Variants in HECTD3 observed in about 807,000 individuals in gnomAD.
The protein encoded by HECTD3 is HECT domain E3 ubiquitin protein ligase 3.
In HECTD3, 72 loss-of-function variants were observed where a neutral mutation model predicts 109.3. That is an observed-to-expected ratio of 0.66 (90% CI 0.54 to 0.80). The LOEUF is 0.80. HECTD3 is among the 30% of genes least tolerant of loss of function. The probability of loss-of-function intolerance (pLI) is 0.00; values close to 1 mark genes in which losing one functional copy is unlikely to be tolerated. For synonymous variants in HECTD3, 481 were observed against 471.8 expected (o/e 1.02, Z -0.25); for missense variants, 1,041 against 1,165.2 (o/e 0.89, Z 1.55).
intron 1 of HECTD3, 88 bp downstream of exon 1, chr1:45,010,801 A>G: frequency 6.6e-7 from 1 of 1,512,470 alleles, no homozygotes. Flanking sequence ...CGCAATGCCA[A>G]CTCAATACAG....
Position 45,003,477 on chromosome 1 carries a change from A to G in HECTD3, c.*15T>C. 1 of 1,612,416 alleles carries G rather than the reference A, an allele frequency of 6.2e-7. No homozygotes were observed. Among genetic ancestry groups the G allele is most frequent in the Non-Finnish European group, 8.5e-7 (1 of 1,178,530 alleles). ...ACACGTGCAGTCTTGCTGGTCCCACAGCCGGCGGCACGCCTCACTCCTCCC... is the reference window on the plus strand; with the variant it reads ...ACACGTGCAGTCTTGCTGGTCCCACGGCCGGCGGCACGCCTCACTCCTCCC... On this transcript the variant is annotated 3_prime_UTR_variant, in exon 21 of 21. Transcript: ENST00000372172. This position sits in a 1 kb window ranked among gnomAD's most constrained non-coding sequence, Gnocchi z 4.7.
chr1:45,006,871 C>A lies in HECTD3; in HGVS notation c.1622-76G>T. 6.3e-7 allele frequency: 1 copy of A among 1,577,924 alleles called. No individual in the cohort carries two copies. Among genetic ancestry groups the A allele is most frequent in the East Asian group, 2.2e-5 (1 of 44,716 alleles). On this transcript the variant is annotated intron_variant, in intron 12 of 20. Transcript: ENST00000372172. This position sits in a 1 kb window ranked among gnomAD's most constrained non-coding sequence, Gnocchi z 4.7. ...ATGGGGTAATGAATAGGTCCCCCAT[C>A]ATCATTAGCTGGTGAAAAGCCTCTA...
Position 45,011,100 on chromosome 1 carries a change from T to G in HECTD3, c.158A>C (p.Lys53Thr). 6.6e-7 allele frequency: 1 copy of G among 1,506,588 alleles called. No homozygotes were observed. The highest frequency in any genetic ancestry group is 1.2e-5 in the South Asian group (1 of 80,444). 93.3% of individuals were successfully genotyped at this position (1,506,588 alleles called of 1,614,324 possible). A position where few individuals can be genotyped will look rare whatever the true frequency, so the allele number is the denominator to read the frequency against. Residue 53 changes from lysine to threonine, a missense_variant, in exon 1 of 21, where the codon AAG (lysine) becomes ACG (threonine). Lys to Thr is a moderately conservative substitution (Grantham distance 78, BLOSUM62 -1). Around this residue, in one of 2 missense-constraint regions of HECTD3, gnomAD observed 472 missense variants for 449.9 expected, o/e 1.05. Coordinates refer to ENST00000372172, the MANE Select transcript of HECTD3 (RefSeq NM_024602.6). The stretch of plus-strand genomic sequence containing the variant: ...CACGCGCGACGGTCCCGCTGGGTCC[T>G]TGTAAAGCTTGTAGAGCACCTCTCG... Reference protein sequence around the residue: ...VPREVLYKLYKDPAGPSRVLL... With the variant: ...VPREVLYKLYTDPAGPSRVLL...
In HECTD3 at chr1:45,007,136, GTGTGTGTGTGTGTGTGTGTGTT is replaced by G; in HGVS notation, c.1556+61_1556+82del. Reference sequence around the variant, plus strand: ...GGGTGCCTCGAGCAGTTGTGTGTGTGTGTGTGTGTGTGTGTGTGTGTTTGTGTGTGTTTGTGTGCACAAACAG... The same window carrying G: ...GGGTGCCTCGAGCAGTTGTGTGTGTGTGTGTGTGTTTGTGTGCACAAACAG... On this transcript the variant is annotated intron_variant, in intron 11 of 20. Transcript: ENST00000372172. The G allele has an allele frequency of 3.6e-6, 3 of 828,286 alleles. No individual in the cohort carries two copies. In the East Asian group the frequency reaches 2.2e-4, roughly 61 times the overall value. The allele number at this position is 828,286 out of a possible 1,614,324, so 51.3% of individuals were successfully genotyped here.
chr1:45,009,583 T>C lies in HECTD3; in HGVS notation c.860A>G (p.Lys287Arg), dbSNP rs1351786392. Residue 287 changes from lysine to arginine, a missense_variant, in exon 5 of 21, where the codon AAG becomes AGG. By Grantham distance (26) the Lys-to-Arg change is conservative. Transcript: ENST00000372172. ...CQHWVRLTMK[K>R]GTIVKKLLLT... ...GCCTACTTACTTGACAATGGTGCCC[T>C]TCTTCATAGTAAGCCGTACCCAGTG... 1 of 1,613,530 alleles carries C rather than the reference T, an allele frequency of 6.2e-7. No homozygotes were observed.
chr1:45,006,860 A>G lies in HECTD3; in HGVS notation c.1622-65T>C, dbSNP rs1644740245. Reference sequence around the variant, plus strand: ...CAGCTCCCATAATGGGGTAATGAATAGGTCCCCCATCATCATTAGCTGGTG... The same window carrying G: ...CAGCTCCCATAATGGGGTAATGAATGGGTCCCCCATCATCATTAGCTGGTG... On this transcript the variant is annotated intron_variant, in intron 12 of 20. Coordinates refer to ENST00000372172, the MANE Select transcript of HECTD3 (RefSeq NM_024602.6). This position sits in a 1 kb window ranked among gnomAD's most constrained non-coding sequence, Gnocchi z 4.7. 6 of 1,575,638 alleles carry G rather than the reference A, an allele frequency of 3.8e-6. No individual in the cohort carries two copies. The Admixed American group carries it at 1.0e-4, about 26-fold the overall frequency.
At position 45,005,862 on chromosome 1, in the gene HECTD3, C is replaced by G; in HGVS notation, c.1867G>C (p.Val623Leu). ...TCCTCACCAGAAAGCTGCTTCCACA[C>G]AAAACCAGGCAGGGCCAGGACCTGT... ...EFLVLALPGF[V>L]WKQLSGEEVS... Residue 623 changes from valine (V) to leucine (L), a missense_variant, in exon 15 of 21, where the codon GTG (valine) becomes CTG (leucine). Transcript: ENST00000372172. 1 of 1,608,898 alleles carries G rather than the reference C, an allele frequency of 6.2e-7. No individual in the cohort carries two copies. Among genetic ancestry groups the G allele is most frequent in the Non-Finnish European group, 8.5e-7 (1 of 1,177,286 alleles).
rs1335669218 is a variant in HECTD3, at chr1:45,011,187, G to A, written c.71C>T (p.Ala24Val). Reference sequence around the variant, plus strand: ...GGCGCGGAGGCTCCGCGCTGCCTCTGCCAAGAAGCGCACGCGGCCCAGCAG... The same window carrying A: ...GGCGCGGAGGCTCCGCGCTGCCTCTACCAAGAAGCGCACGCGGCCCAGCAG... ...RQLLGRVRFL[A>V]EAARSLRAGR... is the part of the protein sequence containing the mutation. Residue 24 changes from alanine (A) to valine (V), a missense_variant, in exon 1 of 21, where the codon GCA (alanine) becomes GTA (valine). By Grantham distance (64) the Ala-to-Val change is moderately conservative. This residue lies in a region of HECTD3 where 472 missense variants were observed against 449.9 expected (regional missense o/e 1.05). Transcript: ENST00000372172. 1.4e-6 allele frequency: 2 copies of A among 1,474,366 alleles called. No homozygotes were observed. Among genetic ancestry groups the A allele is most frequent in the Admixed American group, 2.5e-5 (1 of 40,244 alleles). 91.3% of individuals were successfully genotyped at this position (1,474,366 alleles called of 1,614,324 possible).
chr1:45,008,790 C>T, intron 7 of HECTD3, 89 bp from the exon 8 acceptor site: 1 of 1,278,532 alleles, frequency 7.8e-7, no homozygotes, highest in Non-Finnish European at 1.1e-6. Context: ...AACGCTCAGC[C>T]TTGTGTCACC....
At position 45,004,821 on chromosome 1, in the gene HECTD3, G is replaced by C. The variant is rs754410471; in HGVS notation, c.1936-15C>G. ...AGGAGCTTCACCTAGGGGTTGGAGAGAGGCAGGGAGGTAACCTTTTCACTG... is the reference window on the plus strand; with the variant it reads ...AGGAGCTTCACCTAGGGGTTGGAGACAGGCAGGGAGGTAACCTTTTCACTG... On this transcript the variant is annotated splice_polypyrimidine_tract_variant and intron_variant, in intron 15 of 20. Transcript: ENST00000372172. 6.2e-6 allele frequency: 10 copies of C among 1,609,304 alleles called. No homozygotes were observed. In the East Asian group the frequency reaches 2.2e-4, roughly 36 times the overall value.
In HECTD3 at chr1:45,009,192, T is replaced by C. The variant is rs762981529; in HGVS notation, c.1024A>G (p.Met342Val). 43 of 1,613,962 alleles carry C rather than the reference T, an allele frequency of 2.7e-5. No individual in the cohort carries two copies. Among genetic ancestry groups the C allele is most frequent in the Admixed American group, 1.7e-5 (1 of 60,000 alleles). Reference protein sequence around the residue: ...LIGDVCVLEDMTVHLPIIEIR... With the variant: ...LIGDVCVLEDVTVHLPIIEIR... ...TCGATGATCGGGAGGTGGACGGTCA[T>C]GTCCTCCAGGACACAGACATCCCCG... is the stretch of plus-strand genomic sequence containing the variant. The change falls in exon 7 of 21, where the codon ATG becomes GTG. Residue 342 changes from methionine to valine, a missense_variant. By Grantham distance (21) the Met-to-Val change is conservative (BLOSUM62 1). This residue lies in a region of HECTD3 where 569 missense variants were observed against 715.3 expected (regional missense o/e 0.80). Transcript: ENST00000372172.
In HECTD3 at chr1:45,006,265, G is replaced by T; in HGVS notation, c.1726-149C>A. ...GGCTCCTCCTCTCCCTGTCTGCCCAGAGGTTGCCCTGAGCAACTCAGTCCC... is the reference window on the plus strand; with the variant it reads ...GGCTCCTCCTCTCCCTGTCTGCCCATAGGTTGCCCTGAGCAACTCAGTCCC... On this transcript the variant is annotated intron_variant, in intron 13 of 20. Transcript: ENST00000372172. The surrounding 1 kb of genome is among the most constrained non-coding windows in gnomAD (Gnocchi z 4.7). 9.7e-7 allele frequency: 1 copy of T among 1,033,242 alleles called. No individual in the cohort carries two copies. The allele number at this position is 1,033,242 out of a possible 1,614,324, so 64.0% of individuals were successfully genotyped here. A position where few individuals can be genotyped will look rare whatever the true frequency, so the allele number is the denominator to read the frequency against.
intron 2 of HECTD3, 98 bp downstream of exon 2, chr1:45,010,448 C>A: frequency 6.5e-7 from 1 of 1,538,820 alleles, no homozygotes; most frequent in Non-Finnish European, 8.9e-7. Context: ...CCTGCCTCCG[C>A]TCCAGTATCC....
Position 45,010,181 on chromosome 1 carries a change from C to A in HECTD3, c.623+20G>T, listed in dbSNP as rs867756721. 2.5e-6 allele frequency: 4 copies of A among 1,613,860 alleles called. No homozygotes were observed. Among genetic ancestry groups the A allele is most frequent in the African/African-American group, 1.3e-5 (1 of 74,882 alleles). On this transcript the variant is annotated intron_variant, in intron 3 of 20. Transcript: ENST00000372172. ...CAGACGCAGAGCTCCTTCCTCCCCA[C>A]CCCATTCCAGCTCACTCACAGTAGC... is the stretch of plus-strand genomic sequence containing the variant.
At chr1:45,009,523 C>T (rs764390100) in intron 5 of HECTD3, 41 bp from the exon 6 acceptor site, 4 of 1,606,336 alleles carry the variant, frequency 2.5e-6, no homozygotes, top group Middle Eastern at 1.7e-4. Flanking sequence ...TGTGAACCCA[C>T]AGGGACATAG....
chr1:45,005,544 G>A (rs1644728069), intron 15 of HECTD3: 1 of 397,552 alleles, frequency 2.5e-6, no homozygotes, highest in African/African-American at 2.0e-5. Flanking sequence ...AACACACTGA[G>A]CCTGAGATGC....
At chr1:45,004,039 A>T in intron 18 of HECTD3, 21 bp downstream of exon 18, 1 of 1,613,870 alleles carries the variant, frequency 6.2e-7, no homozygotes, top group Non-Finnish European at 8.5e-7. Flanking sequence ...CCCAGGTGTC[A>T]CCCTGCCCTC....
Position 45,006,439 on chromosome 1 carries a change from G to A in HECTD3, c.1725+253C>T, listed in dbSNP as rs980178240. Among the ~76,000 whole-genome samples, 3 of 151,990 alleles carry A rather than the reference G, an allele frequency of 2.0e-5. No homozygotes were observed. Among genetic ancestry groups the A allele is most frequent in the Non-Finnish European group, 2.9e-5 (2 of 68,004 alleles). ...GCCTGCTTCAGCCTCCCATGTAGCT[G>A]GGACTACAGGCGCGTGCCACCACGC... On this transcript the variant is annotated intron_variant, in intron 13 of 20. Transcript: ENST00000372172. The surrounding 1 kb of genome is among the most constrained non-coding windows in gnomAD (Gnocchi z 4.7).
intron 7 of HECTD3, 59 bp downstream of exon 7, chr1:45,009,085 C>A: frequency 7.6e-7 from 1 of 1,313,170 alleles, no homozygotes; most frequent in Non-Finnish European, 1.1e-6. Flanking sequence ...CACACACTCT[C>A]TGTTTGCCCC....
Sources: allele counts gnomAD v4.1 joint callset (sites outside exome capture counted in the v4.1 genomes callset), GRCh38; gene constraint gnomAD v4.1.1; regional missense constraint gnomAD v4.1.1; non-coding constraint Gnocchi (gnomAD v3.1); transcripts MANE v1.5; gene names NCBI Gene and HGNC (gene_info 2026-07-23, HGNC 2026-07-21).